Variants in WASHC3 observed in about 807,000 individuals in gnomAD.
WASHC3 encodes the protein WASH complex subunit 3.
WASHC3 carries 24 observed loss-of-function variants against 26.1 expected under a neutral mutation model. The observed-to-expected ratio is 0.92, with a 90% confidence interval of 0.66 to 1.29. WASHC3 has a LOEUF of 1.29. WASHC3 is among the 50% of genes most tolerant of loss of function. WASHC3 has a pLI of 0.00. For missense variants in WASHC3, 214 were observed against 229.6 expected (o/e 0.93, Z 0.44); for synonymous variants, 77 against 75.7 (o/e 1.02, Z -0.09).
intron 5 of WASHC3, among the ~76,000 whole-genome samples, chr12:102,027,898 T>C (rs1383885823): frequency 6.6e-6 from 1 of 152,198 alleles, no homozygotes; most frequent in Non-Finnish European, 1.5e-5. Flanking sequence ...AATACTTAAA[T>C]GCATTCTAAA....
chr12:102,046,422 AGTGCTGGGACTACAGGCAC>A (rs914225472), intron 2 of WASHC3, among the ~76,000 whole-genome samples: 4 of 152,022 alleles, frequency 2.6e-5, no homozygotes, highest in African/African-American at 9.7e-5. Context: ...CAGCCTCCCG[AGTGCTGGGACTACAGGCAC>A]GTGCCACCAC....
chr12:102,023,951 C>T (rs1877064200), intron 6 of WASHC3, among the ~76,000 whole-genome samples: 1 of 152,108 alleles, frequency 6.6e-6, no homozygotes, highest in African/African-American at 2.4e-5. Flanking sequence ...CTGGGATCTT[C>T]CTCCGTGGTA....
At chr12:102,061,153 A>C in intron 2 of WASHC3, 95 bp downstream of exon 2, 1 of 802,246 alleles carries the variant, frequency 1.2e-6, no homozygotes, top group Non-Finnish European at 2.1e-6. Context: ...CGGTACATGA[A>C]TAAAGACTGT....
intron 2 of WASHC3, 30 bp from the exon 3 acceptor site, chr12:102,046,149 C>G (rs754385878): frequency 7.6e-6 from 10 of 1,316,490 alleles, no homozygotes; most frequent in Non-Finnish European, 1.1e-5. Flanking sequence ...GACATAAAGA[C>G]TTTAATTAAA....
chr12:102,022,234 T>C (rs1876990674), intron 6 of WASHC3, among the ~76,000 whole-genome samples: 1 of 152,222 alleles, frequency 6.6e-6, no homozygotes, highest in African/African-American at 2.4e-5. Flanking sequence ...ACTCTGTATA[T>C]GTTAAATATG....
chr12:102,050,391 A>C (rs1878342195), intron 2 of WASHC3: 1 of 418,356 alleles, frequency 2.4e-6, no homozygotes, highest in Non-Finnish European at 4.7e-6. Flanking sequence ...GCCGAGGCCG[A>C]GGGATCACTT....
chr12:102,015,244 C>T (rs921220706), intron 6 of WASHC3, among the ~76,000 whole-genome samples: 2 of 152,030 alleles, frequency 1.3e-5, no homozygotes, highest in Non-Finnish European at 2.9e-5. Context: ...TAAGCTGTGA[C>T]CATGCCTGGG....
chr12:102,047,860 C>T lies in WASHC3; in HGVS notation c.151-1741G>A, dbSNP rs541700731. ...TGCTACATATGGTACAGTGTATATG[C>T]AACATATCAATTGAAATCTTACACC... On this transcript the variant is annotated intron_variant, in intron 2 of 6. Coordinates refer to ENST00000240079, the MANE Select transcript of WASHC3 (RefSeq NM_016053.4). Among the ~76,000 whole-genome samples the T allele has an allele frequency of 8.5e-5, 13 of 152,196 alleles. No homozygotes were observed. In the South Asian group the frequency reaches 2.3e-3, roughly 27 times the overall value.
intron 4 of WASHC3, chr12:102,043,792 ATATTT>A (rs1048549363): frequency 1.9e-5 from 3 of 156,128 alleles, no homozygotes; most frequent in African/African-American, 7.2e-5. Context: ...TTACAATAAA[ATATTT>A]TAAAAGTACA....
intron 6 of WASHC3, chr12:102,017,828 A>T (rs1304013365): frequency 2.3e-6 from 1 of 426,510 alleles, no homozygotes; most frequent in South Asian, 1.7e-5. Context: ...TACAGATAAC[A>T]TAAAATTTAA....
chr12:102,039,847 AG>A lies in WASHC3; in HGVS notation c.435+20del. On this transcript the variant is annotated intron_variant, in intron 5 of 6. Transcript: ENST00000240079. ...TTCAAGTGAGGCTGCTACACAAAGA[AG>A]ACAGACCAAGTTAGCTTACCACTTG... 8.5e-7 allele frequency: 1 copy of A among 1,179,758 alleles called. No homozygotes were observed. 73.1% of individuals were successfully genotyped at this position (1,179,758 alleles called of 1,614,324 possible).
chr12:102,049,464 T>A (rs1007070124), intron 2 of WASHC3, among the ~76,000 whole-genome samples: 7 of 152,148 alleles, frequency 4.6e-5, no homozygotes, highest in African/African-American at 1.7e-4. Flanking sequence ...TGGTTTGGGA[T>A]AACAGGGGAA....
intron 6 of WASHC3, among the ~76,000 whole-genome samples, chr12:102,021,110 AAAAC>A (rs771855666): frequency 6.6e-4 from 101 of 152,208 alleles, no homozygotes; most frequent in Admixed American, 2.0e-3. Context: ...ACAAAAACAA[AAAAC>A]AAACAAAACA....
At chr12:102,058,772 AT>A (rs1207424932) in intron 2 of WASHC3, among the ~76,000 whole-genome samples, 27 of 152,322 alleles carry the variant, frequency 1.8e-4, no homozygotes, top group Non-Finnish European at 2.5e-4. Flanking sequence ...CTGCAACATT[AT>A]TCACAATAGC....
chr12:102,015,780 CCA>C (rs1305762118), intron 6 of WASHC3, among the ~76,000 whole-genome samples: 1 of 152,174 alleles, frequency 6.6e-6, no homozygotes, highest in Non-Finnish European at 1.5e-5. Context: ...CAGCCATGTG[CCA>C]CATAATGATG....
At chr12:102,016,485 G>A (rs1489721444) in intron 6 of WASHC3, among the ~76,000 whole-genome samples, 1 of 152,170 alleles carries the variant, frequency 6.6e-6, no homozygotes, top group Non-Finnish European at 1.5e-5. Context: ...GATTACAGGT[G>A]TAAGCCACTG....
chr12:102,049,005 T>C lies in WASHC3; in HGVS notation c.151-2886A>G, dbSNP rs187623320. Among the ~76,000 whole-genome samples the C allele has an allele frequency of 9.8e-4, 149 of 152,352 alleles. 1 individual carries two copies. The highest frequency in any genetic ancestry group is 3.6e-3 in the African/African-American group (148 of 41,584). On this transcript the variant is annotated intron_variant, in intron 2 of 6. Transcript: ENST00000240079. ...AGAGCCATTGTCAGGTGAAAAGGTATACCTGGGTTCATTTATGGGCTGCTG... is the reference window on the plus strand; with the variant it reads ...AGAGCCATTGTCAGGTGAAAAGGTACACCTGGGTTCATTTATGGGCTGCTG...
chr12:102,061,710 C>A (rs2136700227), intron 1 of WASHC3, among the ~76,000 whole-genome samples: 1 of 152,296 alleles, frequency 6.6e-6, no homozygotes, highest in South Asian at 2.1e-4. Flanking sequence ...GGGAGATGCA[C>A]ACCGTCTCCT....
At chr12:102,037,781 GT>G (rs74957168) in intron 5 of WASHC3, among the ~76,000 whole-genome samples, 63 of 148,556 alleles carry the variant, frequency 4.2e-4, no homozygotes, top group Admixed American at 3.1e-3. Flanking sequence ...ATTTTATTCA[GT>G]TTTTTTTTTG....
Sources: gnomAD v4.1 joint callset for allele counts (sites outside exome capture counted in the v4.1 genomes callset) on GRCh38, gnomAD v4.1.1 for gene constraint, MANE v1.5 for transcripts, NCBI Gene and HGNC (gene_info 2026-07-23, HGNC 2026-07-21) for gene names.